The following EDA2R variants were observed in gnomAD, a reference collection of about 807,000 sequenced individuals.
EDA2R encodes the protein ectodysplasin A2 receptor, also known as tumor necrosis factor receptor superfamily member 27.
Under a neutral mutation model 20.1 loss-of-function variants are expected in EDA2R, and 26 were observed. That is an observed-to-expected ratio of 1.30 (90% CI 0.95 to 1.80). EDA2R has a LOEUF of 1.80. Among genes scored for constraint, EDA2R ranks in the 40% most tolerant of loss-of-function variants. The pLI, the probability that EDA2R is intolerant of heterozygous loss-of-function variation, is 0.00. For missense variants in EDA2R, 277 were observed against 228.7 expected (o/e 1.21, Z -1.36); for synonymous variants, 114 against 88.7 (o/e 1.29, Z -1.60).
rs769890219 is a variant in EDA2R, at chrX:66,615,977, C to T, written c.44G>A (p.Cys15Tyr). The change falls in exon 2 of 7, where the codon TGT (cysteine) becomes TAT (tyrosine). Residue 15 changes from cysteine to tyrosine, a missense_variant. Coordinates refer to ENST00000374719, the MANE Select transcript of EDA2R (RefSeq NM_021783.5). ...AGGACCACACCGTTGGCAGGTGACA[C>T]ACCGTCCCCATTGGTCCCAGTACTC... ...ENEYWDQWGRCVTCQRCGPGQ... is the reference protein window; with the variant it reads ...ENEYWDQWGRYVTCQRCGPGQ... 2.5e-6 allele frequency: 3 copies of T among 1,209,009 alleles called. No homozygotes were observed. Among genetic ancestry groups the T allele is most frequent in the East Asian group, 3.0e-5 (1 of 33,701 alleles).
intron 1 of EDA2R, among the ~76,000 whole-genome samples, chrX:66,625,056 C>T (rs1932937564): frequency 9.0e-6 from 1 of 111,661 alleles, no homozygotes; most frequent in African/African-American, 3.3e-5. Flanking sequence ...AGGCCTGGAA[C>T]CACAGGGAAC....
chrX:66,623,303 T>C (rs760621402), intron 1 of EDA2R, among the ~76,000 whole-genome samples: 1 of 112,148 alleles, frequency 8.9e-6, no homozygotes, highest in South Asian at 3.7e-4. Flanking sequence ...AGAGAATCTG[T>C]TGAGGGAGAA....
At chrX:66,621,991 A>C (rs1357643690) in intron 1 of EDA2R, among the ~76,000 whole-genome samples, 4 of 111,915 alleles carry the variant, frequency 3.6e-5, no homozygotes, top group South Asian at 3.8e-4. Flanking sequence ...TTAGCCCCCC[A>C]AAAAATGTTA....
At chrX:66,633,276 G>A (rs1934016830) in intron 1 of EDA2R, among the ~76,000 whole-genome samples, 2 of 112,031 alleles carry the variant, frequency 1.8e-5, no homozygotes, top group Non-Finnish European at 1.9e-5. Flanking sequence ...TATTTGGTTA[G>A]TGTTTGGCAA....
Position 66,602,757 on chromosome X carries a change from T to A in EDA2R, c.393A>T (p.Thr131=). ...CAAGTGTGGCCTCCTGAGGGGGCAC[T>A]GTGGGTGTATCTGCCTCCACTAAGC... is the stretch of plus-strand genomic sequence containing the variant. ...QLSLVEADTP[T]VPPQEATLVA... The change falls in exon 5 of 7, where the codon ACA becomes ACT. Residue 131 remains threonine (T), a synonymous_variant. Coordinates refer to ENST00000374719, the MANE Select transcript of EDA2R (RefSeq NM_021783.5). The A allele has an allele frequency of 8.4e-7, 1 of 1,194,519 alleles. No homozygotes were observed.
intron 1 of EDA2R, among the ~76,000 whole-genome samples, chrX:66,622,586 C>T (rs1479617040): frequency 8.9e-6 from 1 of 111,984 alleles, no homozygotes; most frequent in Non-Finnish European, 1.9e-5. Flanking sequence ...CCATGCCTTG[C>T]CCATTCCTCT....
At position 66,604,529 on chromosome X, in the gene EDA2R, T is replaced by C. The variant is rs748868166; in HGVS notation, c.267-23A>G. On this transcript the variant is annotated intron_variant, in intron 3 of 6. Transcript: ENST00000374719. ...AACCTGTGTTCAGAGCAATTAGGAA[T>C]GGCAGGGTGATCAAACAAGCAATGC... 3 of 1,182,191 alleles carry C rather than the reference T, an allele frequency of 2.5e-6. No individual in the cohort carries two copies. In the East Asian group the frequency reaches 9.0e-5, roughly 35 times the overall value.
At chrX:66,601,230 CT>C (rs1237485294) in intron 5 of EDA2R, among the ~76,000 whole-genome samples, 1 of 111,802 alleles carries the variant, frequency 8.9e-6, no homozygotes, top group Non-Finnish European at 1.9e-5. Flanking sequence ...AGGCAGCTCT[CT>C]GATATTTTCT....
At chrX:66,613,295 T>G (rs1280757877) in intron 2 of EDA2R, among the ~76,000 whole-genome samples, 1 of 111,801 alleles carries the variant, frequency 8.9e-6, no homozygotes, top group Non-Finnish European at 1.9e-5. Context: ...AATACTCTGT[T>G]ATCTACTATA....
chrX:66,619,609 G>C (rs191638060), intron 1 of EDA2R, among the ~76,000 whole-genome samples: 1 of 111,404 alleles, frequency 9.0e-6, no homozygotes, highest in Non-Finnish European at 1.9e-5. Context: ...AGGAAGGGAA[G>C]TGGCAGATGC....
rs1473386242 is a variant in EDA2R at position 66,596,579 on chromosome X, G to A, written c.*1525C>T. ...TCATTATCTTTCCTCTAGAGCAGCA[G>A]TGTCAAATGTGGGCTTGAACCACTG... On this transcript the variant is annotated 3_prime_UTR_variant, in exon 7 of 7. Transcript: ENST00000374719. 2 of 110,653 alleles carry A rather than the reference G, an allele frequency of 1.8e-5. No individual in the cohort carries two copies. The highest frequency in any genetic ancestry group is 3.8e-5 in the Non-Finnish European group (2 of 53,013). 9.1% of individuals were successfully genotyped at this position (110,653 alleles called of 1,213,427 possible).
rs1363655034 is a variant in EDA2R at position 66,596,225 on chromosome X, A to C, written c.*1879T>G. 9.0e-6 allele frequency: 1 copy of C among 111,339 alleles called. No individual in the cohort carries two copies. Among genetic ancestry groups the C allele is most frequent in the Non-Finnish European group, 1.9e-5 (1 of 53,114 alleles). The allele number at this position is 111,339 out of a possible 1,213,427, so 9.2% of individuals were successfully genotyped here. A position where few individuals can be genotyped will look rare whatever the true frequency, so the allele number is the denominator to read the frequency against. On this transcript the variant is annotated 3_prime_UTR_variant, in exon 7 of 7. Transcript: ENST00000374719. Reference sequence around the variant, plus strand: ...TTTGTAGAAAGACACATAAAAGCACAGTGCTCAAAGAAATATGCCTCAGCA... The same window carrying C: ...TTTGTAGAAAGACACATAAAAGCACCGTGCTCAAAGAAATATGCCTCAGCA...
At chrX:66,598,398 C>A (rs757423523) in intron 6 of EDA2R, among the ~76,000 whole-genome samples, 3 of 111,756 alleles carry the variant, frequency 2.7e-5, no homozygotes, top group African/African-American at 9.8e-5. Flanking sequence ...CTGATGAGGT[C>A]TGTCTGGCAC....
chrX:66,602,569 C>T, intron 5 of EDA2R, 64 bp downstream of exon 5: 1 of 1,091,281 alleles, frequency 9.2e-7, no homozygotes, highest in Non-Finnish European at 1.2e-6. Flanking sequence ...CCAGAACATC[C>T]CTCTCTTCTG....
intron 5 of EDA2R, among the ~76,000 whole-genome samples, chrX:66,602,111 C>T (rs1221402611): frequency 9.0e-6 from 1 of 111,476 alleles, no homozygotes; most frequent in East Asian, 2.8e-4. Flanking sequence ...CCTTAGACCT[C>T]AACCACTTTT....
At chrX:66,605,407 T>C (rs1410643577) in intron 2 of EDA2R, among the ~76,000 whole-genome samples, 181 bp from the exon 3 acceptor site, 1 of 112,427 alleles carries the variant, frequency 8.9e-6, no homozygotes, top group African/African-American at 3.2e-5. Flanking sequence ...AATAGAATAA[T>C]AGTATCAAAT....
chrX:66,616,485 G>C (rs1235386364), intron 1 of EDA2R, among the ~76,000 whole-genome samples: 1 of 110,273 alleles, frequency 9.1e-6, no homozygotes, highest in African/African-American at 3.3e-5. Flanking sequence ...ATTATTATTT[G>C]ATCTACACAA....
chrX:66,621,382 C>A (rs1932592205), intron 1 of EDA2R, among the ~76,000 whole-genome samples: 1 of 112,062 alleles, frequency 8.9e-6, no homozygotes, highest in African/African-American at 3.2e-5. Flanking sequence ...CATGACCCAG[C>A]AATTTCACTC....
intron 1 of EDA2R, among the ~76,000 whole-genome samples, chrX:66,625,963 G>C (rs962652705): frequency 9.0e-6 from 1 of 111,535 alleles, no homozygotes; most frequent in Non-Finnish European, 1.9e-5. Flanking sequence ...TAGGTAAAGG[G>C]GGAGAGTACT....
Sources: allele counts gnomAD v4.1 joint callset (sites outside exome capture counted in the v4.1 genomes callset), GRCh38; gene constraint gnomAD v4.1.1; transcripts MANE v1.5; gene names NCBI Gene and HGNC (gene_info 2026-07-23, HGNC 2026-07-21).